The following IFT43 variants were observed in gnomAD, a reference collection of about 807,000 sequenced individuals.
IFT43 encodes intraflagellar transport 43.
A neutral mutation model predicts 32.3 loss-of-function variants in IFT43; 33 were observed. That is an observed-to-expected ratio of 1.02 (90% CI 0.77 to 1.37). The LOEUF (loss-of-function observed/expected upper bound fraction) is 1.37. Among genes scored for constraint, IFT43 ranks in the 40% most tolerant of loss-of-function variants. The pLI is 0.00. For synonymous variants in IFT43, 93 were observed against 98.2 expected, an observed-to-expected ratio of 0.95 and a Z score of 0.31; for missense variants, 274 against 265.9, an observed-to-expected ratio of 1.03 and a Z score of -0.21.
intron 2 of IFT43, among the ~76,000 whole-genome samples, chr14:75,990,001 A>G (rs907558449): frequency 1.3e-5 from 2 of 152,198 alleles, no homozygotes; most frequent in African/African-American, 4.8e-5. Context: ...TCCTTTTAGA[A>G]GTGTGGGTAT....
At chr14:76,055,275 G>T (rs1309559089) in intron 3 of IFT43, among the ~76,000 whole-genome samples, 1 of 151,570 alleles carries the variant, frequency 6.6e-6, no homozygotes, top group Non-Finnish European at 1.5e-5. Flanking sequence ...GAACTCAGGA[G>T]TTTGAGGCTG....
At chr14:76,080,639 G>A (rs1449802527) in intron 5 of IFT43, among the ~76,000 whole-genome samples, 6 of 152,206 alleles carry the variant, frequency 3.9e-5, no homozygotes, top group African/African-American at 7.2e-5. Flanking sequence ...TCACACTGCC[G>A]ATGGTGCGTG....
chr14:76,065,371 A>G (rs1458229793), intron 5 of IFT43, among the ~76,000 whole-genome samples: 1 of 152,222 alleles, frequency 6.6e-6, no homozygotes, highest in African/African-American at 2.4e-5. Context: ...GTTTGTATAC[A>G]ATAAACGATA....
chr14:76,000,247 A>G (rs938157470), intron 2 of IFT43, among the ~76,000 whole-genome samples: 3 of 149,614 alleles, frequency 2.0e-5, no homozygotes, highest in African/African-American at 7.4e-5. Flanking sequence ...TATACATAAC[A>G]TACATAACTG....
At chr14:76,015,667 A>G (rs2139937126) in intron 2 of IFT43, among the ~76,000 whole-genome samples, 1 of 152,300 alleles carries the variant, frequency 6.6e-6, no homozygotes, top group East Asian at 1.9e-4. Context: ...CCATTTTATA[A>G]TGGGAAGAAA....
At chr14:76,044,214 A>G (rs1231225022) in intron 3 of IFT43, among the ~76,000 whole-genome samples, 3 of 151,776 alleles carry the variant, frequency 2.0e-5, no homozygotes, top group Non-Finnish European at 2.9e-5. Flanking sequence ...TAATTGTTGT[A>G]TTTTTAATAA....
rs867071789 is a variant in IFT43, at chr14:76,058,475, G to A, written c.216-167G>A. 3.5e-5 allele frequency: 24 copies of A among 682,074 alleles called. 1 individual carries two copies. The highest frequency in any genetic ancestry group is 1.4e-4 in the African/African-American group (8 of 55,254). The allele number at this position is 682,074 out of a possible 1,614,324, so 42.3% of individuals were successfully genotyped here. On this transcript the variant is annotated intron_variant, in intron 3 of 8. Transcript: ENST00000314067. ...GTAAGAAGGCACTACAGCATCTTCA[G>A]TTCTCTCATGCTGGTTGTGGGGCTT...
intron 2 of IFT43, among the ~76,000 whole-genome samples, chr14:76,005,154 T>A (rs1394593318): frequency 6.6e-6 from 1 of 152,254 alleles, no homozygotes; most frequent in Non-Finnish European, 1.5e-5. Flanking sequence ...TGTTTGTACA[T>A]AAGACATTGT....
intron 3 of IFT43, among the ~76,000 whole-genome samples, chr14:76,048,613 A>C (rs1437981934): frequency 6.6e-6 from 1 of 152,218 alleles, no homozygotes; most frequent in South Asian, 2.1e-4. Flanking sequence ...ATAAATATGC[A>C]TAGGAAATGG....
At chr14:76,039,804 G>A (rs755240886) in intron 3 of IFT43, among the ~76,000 whole-genome samples, 1 of 151,880 alleles carries the variant, frequency 6.6e-6, no homozygotes, top group Non-Finnish European at 1.5e-5. Flanking sequence ...AGTTTTTTTC[G>A]TGTTTCTCTC....
chr14:76,069,125 A>C (rs536343347), intron 5 of IFT43, among the ~76,000 whole-genome samples: 58 of 152,254 alleles, frequency 3.8e-4, no homozygotes, highest in Middle Eastern at 3.4e-3. Context: ...GCTTCTGGGG[A>C]GGCCTCAGGA....
At chr14:76,002,465 A>G (rs528888299) in intron 2 of IFT43, among the ~76,000 whole-genome samples, 3 of 152,144 alleles carry the variant, frequency 2.0e-5, no homozygotes, top group South Asian at 2.1e-4. Flanking sequence ...GGAGGGAAGG[A>G]GGGGACTGGA....
chr14:75,998,449 T>G (rs180937810), intron 2 of IFT43, among the ~76,000 whole-genome samples: 1 of 152,338 alleles, frequency 6.6e-6, no homozygotes, highest in African/African-American at 2.4e-5. Flanking sequence ...AGAGGGCTTC[T>G]GACGGAAGTG....
intron 5 of IFT43, among the ~76,000 whole-genome samples, chr14:76,081,570 C>T (rs1555368858): frequency 6.6e-6 from 1 of 152,232 alleles, no homozygotes; most frequent in Non-Finnish European, 1.5e-5. Context: ...TCCCAGTTCT[C>T]TGTTTGCATG....
chr14:75,992,090 A>G (rs1228034578), intron 2 of IFT43, among the ~76,000 whole-genome samples: 1 of 152,232 alleles, frequency 6.6e-6, no homozygotes, highest in Non-Finnish European at 1.5e-5. Flanking sequence ...TGCTGGAGTT[A>G]CTTTAGACTT....
intron 2 of IFT43, among the ~76,000 whole-genome samples, chr14:75,995,923 C>G (rs1349465944): frequency 1.3e-5 from 2 of 152,142 alleles, no homozygotes; most frequent in African/African-American, 4.8e-5. Flanking sequence ...TGCAGATGTG[C>G]ATCGCTGACC....
Position 76,007,711 on chromosome 14 carries a change from G to T in IFT43, c.148-14616G>T, listed in dbSNP as rs187120074. 2.2e-3 allele frequency among the ~76,000 whole-genome samples: 336 copies of T among 152,288 alleles called. 3 individuals are homozygous for T. The highest frequency in any genetic ancestry group is 7.3e-3 in the African/African-American group (303 of 41,568). ...GTTAAGAGAATGACAGAAATGTATA[G>T]GTTTTGGTTTATGATGAATGTTGAA... On this transcript the variant is annotated intron_variant, in intron 2 of 8. Coordinates refer to ENST00000314067, the MANE Select transcript of IFT43 (RefSeq NM_001102564.3).
At chr14:76,064,340 A>G (rs1400567424) in intron 5 of IFT43, among the ~76,000 whole-genome samples, 1 of 152,244 alleles carries the variant, frequency 6.6e-6, no homozygotes, top group Non-Finnish European at 1.5e-5. Flanking sequence ...TGCTGGTCAC[A>G]CTTGCAATCT....
chr14:76,016,334 T>G (rs1050901032), intron 2 of IFT43, among the ~76,000 whole-genome samples: 6 of 152,184 alleles, frequency 3.9e-5, no homozygotes, highest in African/African-American at 1.4e-4. Flanking sequence ...TAATATGTTG[T>G]AGGTGTTGTT....
Sources: allele counts gnomAD v4.1 joint callset (sites outside exome capture counted in the v4.1 genomes callset), GRCh38; gene constraint gnomAD v4.1.1; transcripts MANE v1.5; gene names NCBI Gene and HGNC (gene_info 2026-07-23, HGNC 2026-07-21).